NLRP4: variants seen among roughly 807,000 people sequenced by gnomAD.
NLRP4 encodes NACHT, LRR and PYD domains-containing protein 4.
A neutral mutation model predicts 84.7 loss-of-function variants in NLRP4; 44 were observed. That is an observed-to-expected ratio of 0.52 (90% confidence interval 0.41 to 0.67). The LOEUF (loss-of-function observed/expected upper bound fraction) is 0.67, where lower values mean the gene tolerates loss of function less well. Ranked by LOEUF, NLRP4 falls within the 30% of genes least tolerant of loss-of-function variation. The pLI is 0.00. For synonymous variants in NLRP4, 544 were observed against 476.4 expected (o/e 1.14, Z -1.85); for missense variants, 1,260 against 1,219.4 (o/e 1.03, Z -0.50).
At chr19:55,879,566 C>A (rs886440295) in intron 9 of NLRP4, among the ~76,000 whole-genome samples, 1 of 152,148 alleles carries the variant, frequency 6.6e-6, no homozygotes, top group Non-Finnish European at 1.5e-5. Flanking sequence ...TTACTGTACC[C>A]ATGCTAATAA....
chr19:55,860,016 T>A (rs1327913325), intron 3 of NLRP4, among the ~76,000 whole-genome samples: 1 of 150,272 alleles, frequency 6.7e-6, no homozygotes. Context: ...AATGGAGTTT[T>A]GCTTTGTCAC....
intron 2 of NLRP4, among the ~76,000 whole-genome samples, chr19:55,855,118 G>C (rs541144295): frequency 6.6e-6 from 1 of 152,184 alleles, no homozygotes; most frequent in Non-Finnish European, 1.5e-5. Flanking sequence ...GCTGAGGCAG[G>C]AGGATCACTT....
Position 55,871,010 on chromosome 19 carries a change from CTG to C in NLRP4, c.2525+15_2525+16del. 1 of 1,611,748 alleles carries C rather than the reference CTG, an allele frequency of 6.2e-7. No homozygotes were observed. The highest frequency in any genetic ancestry group is 8.5e-7 in the Non-Finnish European group (1 of 1,178,202). On this transcript the variant is annotated intron_variant, in intron 7 of 9. Transcript: ENST00000301295. The stretch of plus-strand genomic sequence containing the variant: ...TGGATTCACTGTGGTAGGCTTTTTG[CTG>C]TTTCTTTGAAGACCAAGCCGTCTTT...
rs201059514 is a variant in NLRP4, at chr19:55,877,143, G to A, written c.2673G>A (p.Thr891=). 1.5e-4 allele frequency: 246 copies of A among 1,613,828 alleles called. No homozygotes were observed. The highest frequency in any genetic ancestry group is 2.0e-4 in the Non-Finnish European group (232 of 1,179,786). ...VQLLCRALTH[T]DCRLEILGLE... is the part of the protein sequence containing the mutation. ...TGTTGTGTCGGGCTCTGACGCATAC[G>A]GATTGCCGCTTAGAGATTCTTGGGT... Residue 891 remains threonine, a synonymous_variant, in exon 8 of 10, where the codon ACG becomes ACA. Transcript: ENST00000301295.
At chr19:55,878,304 C>T (rs1985445147) in intron 8 of NLRP4, among the ~76,000 whole-genome samples, 1 of 152,010 alleles carries the variant, frequency 6.6e-6, no homozygotes, top group South Asian at 2.1e-4. Flanking sequence ...CCTGTAGTCC[C>T]AGCTACTCAG....
chr19:55,875,435 A>G (rs1015292548), intron 7 of NLRP4, among the ~76,000 whole-genome samples: 1 of 152,228 alleles, frequency 6.6e-6, no homozygotes, highest in African/African-American at 2.4e-5. Context: ...TAGTGGAATT[A>G]AATAAAAGTA....
At chr19:55,850,765 AT>A (rs1568659296) in intron 1 of NLRP4, among the ~76,000 whole-genome samples, 39 of 63,852 alleles carry the variant, frequency 6.1e-4, no homozygotes, top group Non-Finnish European at 7.6e-4. Flanking sequence ...CTGCGGTGTA[AT>A]TTCCGAGGCT....
intron 1 of NLRP4, among the ~76,000 whole-genome samples, chr19:55,847,598 T>A (rs1430347832): frequency 1.3e-5 from 2 of 152,200 alleles, no homozygotes; most frequent in African/African-American, 2.4e-5. Context: ...CTGTGCCACA[T>A]TTCTCTAGTA....
In NLRP4 at chr19:55,853,909, C is replaced by T. The variant is rs556531449; in HGVS notation, c.280+1549C>T. On this transcript the variant is annotated intron_variant, in intron 2 of 9. Coordinates refer to ENST00000301295, the MANE Select transcript of NLRP4 (RefSeq NM_134444.5). Reference sequence around the variant, plus strand: ...TCTCTTTCTCTCTCTCTCTCTCTTTCTCTTTCTTTCTCTTTCTCTTTCTCT... The same window carrying T: ...TCTCTTTCTCTCTCTCTCTCTCTTTTTCTTTCTTTCTCTTTCTCTTTCTCT... Among the ~76,000 whole-genome samples, 418 of 123,228 alleles carry T rather than the reference C, an allele frequency of 3.4e-3. 25 individuals are homozygous for T. The highest frequency in any genetic ancestry group is 0.017 in the African/African-American group (398 of 22,866). The allele number at this position is 123,228 out of a possible 152,430, so 80.8% of individuals were successfully genotyped here.
chr19:55,877,791 A>C (rs892669430), intron 8 of NLRP4, among the ~76,000 whole-genome samples: 1 of 152,048 alleles, frequency 6.6e-6, no homozygotes, highest in East Asian at 1.9e-4. Context: ...ATTTCCTCTT[A>C]TAAGAACACC....
At chr19:55,875,936 C>CTGAGGCAGGAGAATCACCTGAACCCG in intron 7 of NLRP4, among the ~76,000 whole-genome samples, 1 of 151,942 alleles carries the variant, frequency 6.6e-6, no homozygotes, top group African/African-American at 2.4e-5. Context: ...ACTCAGGAGG[C>CTGAGGCAGGAGAATCACCTGAACCCG]TGAGGCAGGA....
intron 1 of NLRP4, among the ~76,000 whole-genome samples, chr19:55,840,956 T>G (rs1983591817): frequency 6.6e-6 from 1 of 152,238 alleles, no homozygotes; most frequent in Admixed American, 6.5e-5. Context: ...AGATGGGTTA[T>G]CATACCTTAC....
At chr19:55,848,786 T>C (rs1414890709) in intron 1 of NLRP4, among the ~76,000 whole-genome samples, 1 of 152,136 alleles carries the variant, frequency 6.6e-6, no homozygotes, top group Admixed American at 6.5e-5. Context: ...TCATCTTGAA[T>C]TGTGGCTCCC....
chr19:55,837,768 G>C (rs887644776), intron 1 of NLRP4, among the ~76,000 whole-genome samples: 10 of 152,146 alleles, frequency 6.6e-5, no homozygotes, highest in Non-Finnish European at 7.4e-5. Context: ...GGGTGTGGTG[G>C]CTCATGCCTG....
chr19:55,871,310 C>T (rs1985172510), intron 7 of NLRP4, among the ~76,000 whole-genome samples: 1 of 152,082 alleles, frequency 6.6e-6, no homozygotes, highest in Admixed American at 6.6e-5. Context: ...GTGTGTTCTA[C>T]AAAATGAATG....
At chr19:55,863,662 A>C (rs1222009031) in intron 5 of NLRP4, among the ~76,000 whole-genome samples, 1 of 152,142 alleles carries the variant, frequency 6.6e-6, no homozygotes, top group Non-Finnish European at 1.5e-5. Context: ...CAGCCGAACC[A>C]TATCAGACAG....
At chr19:55,853,760 TTTCTC>T (rs1984267591) in intron 2 of NLRP4, among the ~76,000 whole-genome samples, 3 of 151,002 alleles carry the variant, frequency 2.0e-5, no homozygotes, top group Admixed American at 1.3e-4. Context: ...TCTCTTTCTC[TTTCTC>T]TCTCTCTCTC....
rs571633903 is a variant in NLRP4, at chr19:55,859,275, C to G, written c.1856+26C>G. ...GTGAGTCCATCCTATGACTTTTTCTCTCTTCTCAGAATCTGTCTGTATTCC... is the reference window on the plus strand; with the variant it reads ...GTGAGTCCATCCTATGACTTTTTCTGTCTTCTCAGAATCTGTCTGTATTCC... On this transcript the variant is annotated intron_variant, in intron 3 of 9. Coordinates refer to ENST00000301295, the MANE Select transcript of NLRP4 (RefSeq NM_134444.5). 41 of 1,553,416 alleles carry G rather than the reference C, an allele frequency of 2.6e-5. No individual in the cohort carries two copies. In the East Asian group the frequency reaches 6.8e-4, roughly 26 times the overall value.
intron 9 of NLRP4, among the ~76,000 whole-genome samples, chr19:55,880,217 G>A (rs1019739490): frequency 6.6e-6 from 1 of 151,860 alleles, no homozygotes; most frequent in African/African-American, 2.4e-5. Flanking sequence ...TTTTCTTGAA[G>A]TCCATCCTTA....
Sources: gnomAD v4.1 joint callset for allele counts (sites outside exome capture counted in the v4.1 genomes callset) on GRCh38, gnomAD v4.1.1 for gene constraint, MANE v1.5 for transcripts, NCBI Gene and HGNC (gene_info 2026-07-23, HGNC 2026-07-21) for gene names.